UBAP2: variants seen among roughly 807,000 people sequenced by gnomAD.
UBAP2 encodes ubiquitin-associated protein 2.
A neutral mutation model predicts 139.6 loss-of-function variants in UBAP2; 75 were observed. The ratio of observed to expected loss-of-function variants is 0.54; its 90% CI spans 0.45 to 0.65. UBAP2 has a LOEUF of 0.65. Among genes scored for constraint, UBAP2 ranks in the 30% least tolerant of loss-of-function variants. The probability of loss-of-function intolerance (pLI) is 0.00; values close to 1 mark genes in which losing one functional copy is unlikely to be tolerated. For missense variants in UBAP2, 1,368 were observed against 1,369.6 expected (o/e 1.00, Z 0.02); for synonymous variants, 526 against 526.2 (o/e 1.00, Z 0.01).
At chr9:33,940,074 GAAA>G (rs1432321691) in intron 16 of UBAP2, among the ~76,000 whole-genome samples, 1 of 151,412 alleles carries the variant, frequency 6.6e-6, no homozygotes, top group East Asian at 1.9e-4. Flanking sequence ...AAGAAGAAAA[GAAA>G]AAGAAGAAAA....
intron 16 of UBAP2, 69 bp from the exon 17 acceptor site, chr9:33,935,947 ACTTT>A: frequency 7.3e-7 from 1 of 1,375,150 alleles, no homozygotes; most frequent in Non-Finnish European, 1.0e-6. Context: ...GGCTTTTTAT[ACTTT>A]CTACAACATG....
intron 1 of UBAP2, among the ~76,000 whole-genome samples, chr9:34,023,930 G>A (rs182892785): frequency 6.6e-6 from 1 of 152,280 alleles, no homozygotes; most frequent in Admixed American, 6.5e-5. Flanking sequence ...TGTAGTCCCA[G>A]CTACCCAGGA....
At chr9:34,013,858 C>A (rs1823994083) in intron 2 of UBAP2, among the ~76,000 whole-genome samples, 1 of 150,752 alleles carries the variant, frequency 6.6e-6, no homozygotes, top group Non-Finnish European at 1.5e-5. Context: ...GCCTGGGCGA[C>A]AGAGCGAGGC....
intron 9 of UBAP2, among the ~76,000 whole-genome samples, chr9:33,961,880 G>C (rs1827073371): frequency 6.6e-6 from 1 of 152,130 alleles, no homozygotes; most frequent in Non-Finnish European, 1.5e-5. Context: ...TTGTTTCCTA[G>C]AAAAAGAGTC....
Position 34,017,028 on chromosome 9 carries a change from AAAG to A in UBAP2, c.99+19_99+21del, listed in dbSNP as rs1463716946. 1 of 1,548,566 alleles carries A rather than the reference AAAG, an allele frequency of 6.5e-7. No homozygotes were observed. Among genetic ancestry groups the A allele is most frequent in the African/African-American group, 1.4e-5 (1 of 71,672 alleles). On this transcript the variant is annotated intron_variant, in intron 2 of 28. Coordinates refer to ENST00000379238, the MANE Select transcript of UBAP2 (RefSeq NM_001370062.2). ...AAAAGAAAAAAAAGGAAAAAAAAAAAAAGAGTTCCACAAAAACTTACCTGTACC... is the reference window on the plus strand; with the variant it reads ...AAAAGAAAAAAAAGGAAAAAAAAAAAAGTTCCACAAAAACTTACCTGTACC...
intron 1 of UBAP2, among the ~76,000 whole-genome samples, chr9:34,017,910 G>C (rs1451364157): frequency 6.6e-6 from 1 of 151,054 alleles, no homozygotes; most frequent in Non-Finnish European, 1.5e-5. Context: ...CTTGGCGACA[G>C]AGCGAGACTC....
chr9:34,007,353 A>C (rs1823308316), intron 2 of UBAP2, among the ~76,000 whole-genome samples: 1 of 151,930 alleles, frequency 6.6e-6, no homozygotes, highest in Non-Finnish European at 1.5e-5. Flanking sequence ...AACATTAGCC[A>C]AGTATGGAAG....
At chr9:33,987,399 AAG>A (rs1821313866) in intron 5 of UBAP2, among the ~76,000 whole-genome samples, 1 of 152,136 alleles carries the variant, frequency 6.6e-6, no homozygotes, top group South Asian at 2.1e-4. Context: ...GAAAGTGAGC[AAG>A]ACTCTGTCTC....
In UBAP2 at chr9:33,996,308, T is replaced by C. The variant is rs1822195118; in HGVS notation, c.203A>G (p.Gln68Arg). The part of the protein sequence containing the change: ...KQLMEVTGKN[Q>R]DECIVALHDC... ...ATGTAGGGCCACTATGCATTCATCC[T>C]GATTTTTCCCTGTCACTTCCATAAG... The change falls in exon 4 of 29, where the codon CAG becomes CGG. Residue 68 changes from glutamine (Q) to arginine (R), a missense_variant. Gln to Arg is a conservative substitution (Grantham distance 43). Transcript: ENST00000379238. 1 of 1,613,482 alleles carries C rather than the reference T, an allele frequency of 6.2e-7. No homozygotes were observed. Among genetic ancestry groups the C allele is most frequent in the African/African-American group, 1.3e-5 (1 of 74,932 alleles).
chr9:33,948,478 G>A lies in UBAP2; in HGVS notation c.1166C>T (p.Thr389Ile). Residue 389 changes from threonine (T) to isoleucine (I), a missense_variant, in exon 13 of 29, where the codon ACC becomes ATC. Physicochemically the swap from Thr to Ile is moderately conservative, Grantham distance 89. Coordinates refer to ENST00000379238, the MANE Select transcript of UBAP2 (RefSeq NM_001370062.2). ...ATTCTGCTGTGTACTTGGGGTGGTGGTAAACTGGCCCAAACTCGGAGCTTT... is the reference window on the plus strand; with the variant it reads ...ATTCTGCTGTGTACTTGGGGTGGTGATAAACTGGCCCAAACTCGGAGCTTT... ...QLKAPSLGQFTTTPSTQQNST... is the reference protein window; with the variant it reads ...QLKAPSLGQFITTPSTQQNST... The A allele has an allele frequency of 6.2e-7, 1 of 1,614,168 alleles. No homozygotes were observed. The highest frequency in any genetic ancestry group is 1.1e-5 in the South Asian group (1 of 91,084).
intron 19 of UBAP2, among the ~76,000 whole-genome samples, chr9:33,931,466 C>CCAGG (rs1232538650): frequency 2.0e-5 from 3 of 152,206 alleles, no homozygotes; most frequent in Admixed American, 6.5e-5. Flanking sequence ...CACTGGGCTC[C>CCAGG]CAGGCAGCAG....
At chr9:33,997,188 A>G (rs1027575529) in intron 3 of UBAP2, 2 of 152,216 alleles carry the variant, frequency 1.3e-5, no homozygotes, top group African/African-American at 4.8e-5. Context: ...GCTTGAAGTA[A>G]TGATGAAAGA....
intron 6 of UBAP2, among the ~76,000 whole-genome samples, chr9:33,975,446 A>AC (rs1828248252): frequency 8.2e-6 from 1 of 122,570 alleles, no homozygotes; most frequent in Admixed American, 7.8e-5. Context: ...AAAAAAAAAC[A>AC]AAAAAAAAAC....
intron 2 of UBAP2, among the ~76,000 whole-genome samples, chr9:34,001,067 C>G (rs1822658119): frequency 6.6e-6 from 1 of 152,096 alleles, no homozygotes; most frequent in Non-Finnish European, 1.5e-5. Context: ...CAGCCAAGAG[C>G]ACCACTGTCA....
chr9:33,969,317 G>A (rs1353828540), intron 8 of UBAP2, among the ~76,000 whole-genome samples: 1 of 152,158 alleles, frequency 6.6e-6, no homozygotes, highest in Non-Finnish European at 1.5e-5. Flanking sequence ...CACTGGCTGG[G>A]TGGGAGGATC....
At chr9:33,978,632 T>C (rs572963471) in intron 6 of UBAP2, among the ~76,000 whole-genome samples, 2 of 151,930 alleles carry the variant, frequency 1.3e-5, no homozygotes. Context: ...TACAAAAAAT[T>C]AGCCCGATGT....
intron 2 of UBAP2, among the ~76,000 whole-genome samples, chr9:34,000,063 T>A (rs1407044604): frequency 3.9e-5 from 6 of 152,080 alleles, no homozygotes. Flanking sequence ...TTCTTCTGCC[T>A]CAGCCTCCTG....
At chr9:34,029,854 G>A (rs938176632) in intron 1 of UBAP2, among the ~76,000 whole-genome samples, 3 of 151,688 alleles carry the variant, frequency 2.0e-5, no homozygotes, top group Non-Finnish European at 4.4e-5. Context: ...CCGCTGTGGT[G>A]GGGGCACCTG....
intron 5 of UBAP2, among the ~76,000 whole-genome samples, chr9:33,987,282 C>T (rs546497122): frequency 3.0e-4 from 46 of 152,066 alleles, no homozygotes; most frequent in African/African-American, 1.0e-3. Context: ...TGTGGTGGCG[C>T]GCACCTATAG....
Sources: allele counts gnomAD v4.1 joint callset (sites outside exome capture counted in the v4.1 genomes callset), GRCh38; gene constraint gnomAD v4.1.1; transcripts MANE v1.5; gene names NCBI Gene and HGNC (gene_info 2026-07-23, HGNC 2026-07-21).